TOX: variants seen among roughly 807,000 people sequenced by gnomAD.
The protein encoded by TOX is thymocyte selection associated high mobility group box.
In TOX, 11 loss-of-function variants were observed where a neutral mutation model predicts 53.7. That is an observed-to-expected ratio of 0.20 (90% CI 0.13 to 0.34). The LOEUF is 0.34. Among genes scored for constraint, TOX ranks in the 10% least tolerant of loss-of-function variants. The pLI, the probability that TOX is intolerant of heterozygous loss-of-function variation, is 1.00. For synonymous variants in TOX, 225 were observed against 245.3 expected (o/e 0.92, Z 0.77); for missense variants, 570 against 664.6 (o/e 0.86, Z 1.56).
At chr8:58,975,110 A>G (rs564896149) in intron 1 of TOX, among the ~76,000 whole-genome samples, 4 of 152,062 alleles carry the variant, frequency 2.6e-5, no homozygotes, top group African/African-American at 9.6e-5. Flanking sequence ...CACACATTAT[A>G]ATTTATGTTT....
At chr8:59,047,366 G>A (rs1448320624) in intron 1 of TOX, among the ~76,000 whole-genome samples, 6 of 151,204 alleles carry the variant, frequency 4.0e-5, no homozygotes, top group African/African-American at 9.7e-5. Flanking sequence ...ACAGGCGCCC[G>A]CCACCACGCC....
At chr8:58,853,907 A>T (rs1810866970) in intron 3 of TOX, among the ~76,000 whole-genome samples, 1 of 152,184 alleles carries the variant, frequency 6.6e-6, no homozygotes. Flanking sequence ...AAATACACAG[A>T]AGAGACAGTG....
chr8:58,949,507 C>T (rs1448300788), intron 2 of TOX, among the ~76,000 whole-genome samples: 2 of 152,100 alleles, frequency 1.3e-5, no homozygotes, highest in Non-Finnish European at 2.9e-5. Flanking sequence ...CCTAAGAAAT[C>T]GTCCCTGAAC....
chr8:59,034,206 T>C (rs973722679), intron 1 of TOX, among the ~76,000 whole-genome samples: 7 of 152,216 alleles, frequency 4.6e-5, no homozygotes, highest in African/African-American at 1.2e-4. Flanking sequence ...AGTTTAAAGA[T>C]AGAACAGCTG....
chr8:59,086,009 G>T (rs1408935087), intron 1 of TOX, among the ~76,000 whole-genome samples: 1 of 94,146 alleles, frequency 1.1e-5, no homozygotes, highest in Non-Finnish European at 2.1e-5. Context: ...TTTTGAGACA[G>T]AGTTTCATTC....
intron 1 of TOX, among the ~76,000 whole-genome samples, chr8:58,995,286 A>G (rs1450137572): frequency 6.6e-6 from 1 of 152,232 alleles, no homozygotes; most frequent in Admixed American, 6.5e-5. Context: ...CTAAATACCA[A>G]CAAGTAGCTC....
At position 59,118,822 on chromosome 8, in the gene TOX, A is replaced by G; in HGVS notation, c.102+64T>C. ...AAGCCGGCCCCGCCGCGGCCCGGCCACCGCCGCTCCCCTCCCAGGATCAAG... is the reference window on the plus strand; with the variant it reads ...AAGCCGGCCCCGCCGCGGCCCGGCCGCCGCCGCTCCCCTCCCAGGATCAAG... On this transcript the variant is annotated intron_variant, in intron 1 of 8. Transcript: ENST00000361421. The surrounding 1 kb of genome is among the most constrained non-coding windows in gnomAD (Gnocchi z 4.1). 7.4e-7 allele frequency: 1 copy of G among 1,355,472 alleles called. No homozygotes were observed. The highest frequency in any genetic ancestry group is 1.0e-6 in the Non-Finnish European group (1 of 997,548). 84.0% of individuals were successfully genotyped at this position (1,355,472 alleles called of 1,614,324 possible).
At chr8:59,059,708 CAGT>C (rs1466760059) in intron 1 of TOX, among the ~76,000 whole-genome samples, 1 of 152,128 alleles carries the variant, frequency 6.6e-6, no homozygotes, top group Non-Finnish European at 1.5e-5. Context: ...CCTTGGCAAA[CAGT>C]TAGTAAAATT....
chr8:59,012,391 G>A (rs1353809493), intron 1 of TOX, among the ~76,000 whole-genome samples: 1 of 151,882 alleles, frequency 6.6e-6, no homozygotes, highest in Non-Finnish European at 1.5e-5. Context: ...GAGGCCCAAG[G>A]GAGTGGAGAG....
At chr8:58,834,870 T>C (rs1192736149) in intron 5 of TOX, among the ~76,000 whole-genome samples, 1 of 152,136 alleles carries the variant, frequency 6.6e-6, no homozygotes, top group African/African-American at 2.4e-5. Flanking sequence ...AGCAAGATCA[T>C]CTTTTAGGTT....
rs561352294 is a variant in TOX at position 58,808,182 on chromosome 8, G to A, written c.1480C>T (p.Arg494Cys). The change falls in exon 8 of 9, where the codon CGT (arginine) becomes TGT (cysteine). Residue 494 changes from arginine to cysteine, a missense_variant. Physicochemically the swap from Arg to Cys is radical, Grantham distance 180. This residue lies in a region of TOX where 239 missense variants were observed against 250.7 expected (regional missense o/e 0.95). Transcript: ENST00000361421. ...QVVTQAMEYV[R>C]SGCRNPPPQP... is the part of the protein sequence containing the mutation. ...GGGGGAGGATTTCTGCACCCCGAAC[G>A]CACATACTCCATTGCCTGGGTGACA... The A allele has an allele frequency of 1.1e-5, 17 of 1,613,978 alleles. No individual in the cohort carries two copies. The highest frequency in any genetic ancestry group is 1.4e-5 in the Non-Finnish European group (17 of 1,179,996).
rs115403289 is a variant in TOX, at chr8:58,999,493, C to T, written c.103-39485G>A. On this transcript the variant is annotated intron_variant, in intron 1 of 8. Transcript: ENST00000361421. ...GGTTGTCAAGACTATTGTAGAAATA[C>T]TGTAGGCCCTGAAACGAGGTGGGAG... 5.7e-3 allele frequency among the ~76,000 whole-genome samples: 874 copies of T among 152,220 alleles called. 4 individuals carry two copies. Among genetic ancestry groups the T allele is most frequent in the African/African-American group, 0.02 (834 of 41,538 alleles).
Position 58,920,732 on chromosome 8 carries a change from A to AG in TOX, c.411+18569_411+18570insC, listed in dbSNP as rs1211368195. Among the ~76,000 whole-genome samples, 6 of 78,470 alleles carry AG rather than the reference A, an allele frequency of 7.6e-5. No individual in the cohort carries two copies. In the Admixed American group the frequency reaches 8.7e-4, roughly 11 times the overall value. 51.5% of individuals were successfully genotyped at this position (78,470 alleles called of 152,430 possible). The stretch of plus-strand genomic sequence containing the variant: ...TAAAAAAAAAACATTAAAAAAAAAA[A>AG]AAAAGAAAAAAAAGAAGAAAAAAAA... On this transcript the variant is annotated intron_variant, in intron 3 of 8. Coordinates refer to ENST00000361421, the MANE Select transcript of TOX (RefSeq NM_014729.3).
At chr8:59,103,062 T>C (rs1804833303) in intron 1 of TOX, among the ~76,000 whole-genome samples, 2 of 152,192 alleles carry the variant, frequency 1.3e-5, no homozygotes, top group Admixed American at 6.5e-5. Context: ...CAGAGGGATT[T>C]TTCTCTTCCA....
intron 3 of TOX, among the ~76,000 whole-genome samples, chr8:58,929,096 CCTCT>C (rs1336821282): frequency 6.6e-6 from 1 of 152,028 alleles, no homozygotes; most frequent in African/African-American, 2.4e-5. Flanking sequence ...GAAGTTTAAT[CCTCT>C]CTCTGTCAAA....
intron 6 of TOX, among the ~76,000 whole-genome samples, chr8:58,819,646 CT>C (rs1810240033): frequency 6.6e-6 from 1 of 152,182 alleles, no homozygotes; most frequent in Non-Finnish European, 1.5e-5. Flanking sequence ...CTGAAGGTAG[CT>C]TCAATCCCAT....
chr8:58,847,534 T>C (rs181243003), intron 4 of TOX, among the ~76,000 whole-genome samples: 1 of 151,768 alleles, frequency 6.6e-6, no homozygotes, highest in African/African-American at 2.4e-5. Flanking sequence ...AAAAGAGTCA[T>C]GGAAAGGAGA....
At chr8:58,910,345 G>A (rs953519422) in intron 3 of TOX, among the ~76,000 whole-genome samples, 1 of 152,066 alleles carries the variant, frequency 6.6e-6, no homozygotes, top group Non-Finnish European at 1.5e-5. Flanking sequence ...ACCATTGTCA[G>A]GTTGGAAAAA....
At chr8:59,044,893 A>G (rs933228305) in intron 1 of TOX, among the ~76,000 whole-genome samples, 2 of 152,240 alleles carry the variant, frequency 1.3e-5, no homozygotes, top group African/African-American at 4.8e-5. Flanking sequence ...CATATGAATA[A>G]TCGGCTACAC....
Sources: gnomAD v4.1 joint callset for allele counts (sites outside exome capture counted in the v4.1 genomes callset) on GRCh38, gnomAD v4.1.1 for gene constraint, gnomAD v4.1.1 regional missense constraint, Gnocchi (gnomAD v3.1) non-coding constraint, MANE v1.5 for transcripts, NCBI Gene and HGNC (gene_info 2026-07-23, HGNC 2026-07-21) for gene names.